GET1: variants seen among roughly 807,000 people sequenced by gnomAD.
The protein encoded by GET1 is guided entry of tail-anchored proteins factor 1.
GET1 carries 20 observed loss-of-function variants against 22.6 expected under a neutral mutation model. The observed-to-expected ratio is 0.89, with a 90% CI of 0.62 to 1.29. The LOEUF (loss-of-function observed/expected upper bound fraction) is 1.29, where lower values mean the gene tolerates loss of function less well. Ranked by LOEUF, GET1 falls within the 50% of genes most tolerant of loss-of-function variation. The probability of loss-of-function intolerance (pLI) is 0.00; values close to 1 mark genes in which losing one functional copy is unlikely to be tolerated. For missense variants in GET1, 209 were observed against 219.9 expected, an observed-to-expected ratio of 0.95 and a Z score of 0.31; for synonymous variants, 92 against 83.8, an observed-to-expected ratio of 1.10 and a Z score of -0.53.
chr21:39,405,838 G>A, intron 4 of GET1: 4 of 1,377,684 alleles, frequency 2.9e-6, no homozygotes, highest in Non-Finnish European at 2.9e-6. Context: ...AGGCACATAA[G>A]CAGCATTATA....
At chr21:39,420,866 C>A (rs765294580) in intron 1 of GET1, 2 of 1,572,564 alleles carry the variant, frequency 1.3e-6, no homozygotes, top group Non-Finnish European at 1.7e-6. Context: ...TATATTATAA[C>A]TATTCTGCAA....
chr21:39,388,048 A>G (rs2038041271), intron 1 of GET1, among the ~76,000 whole-genome samples: 1 of 152,168 alleles, frequency 6.6e-6, no homozygotes, highest in Admixed American at 6.5e-5. Flanking sequence ...TGTCAACCCA[A>G]ACCCCCTCAT....
chr21:39,380,785 T>A (rs1368242437), intron 1 of GET1: 1 of 1,097,042 alleles, frequency 9.1e-7, no homozygotes, highest in Non-Finnish European at 1.1e-6. Context: ...GCTGTCAGCC[T>A]CGTTTCCGTT....
chr21:39,405,712 T>C (rs1218625650), intron 4 of GET1: 3 of 457,768 alleles, frequency 6.6e-6, no homozygotes, highest in Non-Finnish European at 1.1e-5. Flanking sequence ...TAATATAAAA[T>C]AGATTTTTTA....
chr21:39,391,056 C>T (rs761999882), intron 2 of GET1, 193 bp downstream of exon 2: 5 of 516,258 alleles, frequency 9.7e-6, no homozygotes, highest in Non-Finnish European at 1.6e-5. Context: ...GCTTTCTAAG[C>T]ACAGAAATAT....
intron 1 of GET1, among the ~76,000 whole-genome samples, chr21:39,417,964 C>T (rs1041726586): frequency 3.9e-5 from 6 of 152,134 alleles, no homozygotes; most frequent in African/African-American, 7.2e-5. Flanking sequence ...GATGGGGTTT[C>T]GCCGTGTTTG....
intron 4 of GET1, among the ~76,000 whole-genome samples, chr21:39,403,464 C>A (rs989475656): frequency 6.6e-6 from 1 of 151,762 alleles, no homozygotes; most frequent in African/African-American, 2.4e-5. Flanking sequence ...GTAGCTGGGA[C>A]TAAAGGCGCC....
rs145628827 is a variant in GET1, at chr21:39,423,007, G to T, written c.*24-5225G>T. 3.8e-4 allele frequency: 617 copies of T among 1,613,402 alleles called. 3 individuals are homozygous for T. Among genetic ancestry groups the T allele is most frequent in the Middle Eastern group, 1.6e-4 (1 of 6,082 alleles). On this transcript the variant is annotated intron_variant, in intron 1 of 1. Coordinates refer to the GET1 transcript ENST00000478273. ...TTTTTTGTCATTTGCGTCCATTTTTGTTGTGATAATAGATAATTTATGAGT... is the reference window on the plus strand; with the variant it reads ...TTTTTTGTCATTTGCGTCCATTTTTTTTGTGATAATAGATAATTTATGAGT...
chr21:39,420,957 G>T (rs1185906789), intron 1 of GET1: 2 of 767,716 alleles, frequency 2.6e-6, no homozygotes, highest in Non-Finnish European at 4.2e-6. Flanking sequence ...TACAATTTTA[G>T]TGAATGACTT....
chr21:39,414,732 C>CTGTGTGTGTGTG (rs1464601997), intron 1 of GET1, among the ~76,000 whole-genome samples: 3 of 110,390 alleles, frequency 2.7e-5, no homozygotes, highest in African/African-American at 1.2e-4. Flanking sequence ...CTCTCTCTCT[C>CTGTGTGTGTGTG]TCTCTCTCTC....
intron 1 of GET1, chr21:39,423,219 T>C: frequency 6.2e-7 from 1 of 1,611,554 alleles, no homozygotes; most frequent in East Asian, 2.2e-5. Context: ...TAGCCATAAT[T>C]TGAGGTAGAT....
At chr21:39,380,578 G>T in intron 1 of GET1, 92 bp downstream of exon 1, 1 of 1,532,202 alleles carries the variant, frequency 6.5e-7, no homozygotes, top group Non-Finnish European at 8.8e-7. Flanking sequence ...TCAACTGGGC[G>T]ACTGAAGGCC....
At chr21:39,404,182 ATAGCC>A (rs749892931) in intron 4 of GET1, among the ~76,000 whole-genome samples, 1 of 152,254 alleles carries the variant, frequency 6.6e-6, no homozygotes, top group Non-Finnish European at 1.5e-5. Context: ...GGCTGGGAGT[ATAGCC>A]TCCTTTTTAC....
At chr21:39,414,310 G>T (rs2040645386) in intron 1 of GET1, 1 of 152,194 alleles carries the variant, frequency 6.6e-6, no homozygotes, top group African/African-American at 2.4e-5. Flanking sequence ...CGTAGCCTGG[G>T]TGTAAGACGG....
chr21:39,398,731 A>T (rs1385760863), downstream of GET1, among the ~76,000 whole-genome samples: 4 of 149,924 alleles, frequency 2.7e-5, no homozygotes, highest in Non-Finnish European at 4.4e-5. Flanking sequence ...CTCTTACCTC[A>T]GCCTCCCAAG....
chr21:39,410,160 T>C, downstream of GET1: 1 of 1,295,044 alleles, frequency 7.7e-7, no homozygotes, highest in Non-Finnish European at 1.1e-6. Context: ...AATTGCATTT[T>C]ATTCTAATGA....
At chr21:39,418,063 G>A (rs548172367) in intron 1 of GET1, among the ~76,000 whole-genome samples, 8 of 152,342 alleles carry the variant, frequency 5.3e-5, no homozygotes, top group Non-Finnish European at 8.8e-5. Flanking sequence ...ACCGCGCCCA[G>A]CGGGGGAGTT....
chr21:39,414,514 T>C (rs1288151133), intron 1 of GET1, among the ~76,000 whole-genome samples: 1 of 152,154 alleles, frequency 6.6e-6, no homozygotes, highest in Non-Finnish European at 1.5e-5. Context: ...TGTGGCAGAC[T>C]GTATTTTCCT....
rs775996730 is a variant in GET1 at position 39,406,477 on chromosome 21, A to G, written c.*493A>G. 2.2e-5 allele frequency: 35 copies of G among 1,613,780 alleles called. No homozygotes were observed. The highest frequency in any genetic ancestry group is 2.7e-5 in the African/African-American group (2 of 74,888). ...TTCTCTTTCAGGATGAATAACTTCA[A>G]TTATTTTTGGTGGTAGTTCTTGCTC... On this transcript the variant is annotated 3_prime_UTR_variant, in exon 5 of 5. Coordinates refer to the GET1 transcript ENST00000415847.
Sources: gnomAD v4.1 joint callset for allele counts (sites outside exome capture counted in the v4.1 genomes callset) on GRCh38, gnomAD v4.1.1 for gene constraint, MANE v1.5 for transcripts, NCBI Gene and HGNC (gene_info 2026-07-23, HGNC 2026-07-21) for gene names.